The following TMEFF2 variants were observed in gnomAD, a reference collection of about 807,000 sequenced individuals.
TMEFF2 encodes tomoregulin-2.
Under a neutral mutation model 53.8 loss-of-function variants are expected in TMEFF2, and 28 were observed. That is an observed-to-expected ratio of 0.52 (90% CI 0.39 to 0.71). TMEFF2 has a LOEUF of 0.71. Ranked by LOEUF, TMEFF2 falls within the 30% of genes least tolerant of loss-of-function variation. The pLI, the probability that TMEFF2 is intolerant of heterozygous loss-of-function variation, is 0.00. For missense variants in TMEFF2, 353 were observed against 455.2 expected (o/e 0.78, Z 2.04); for synonymous variants, 162 against 166.3 (o/e 0.97, Z 0.20).
intron 4 of TMEFF2, among the ~76,000 whole-genome samples, chr2:192,162,681 A>AG (rs759350195): frequency 6.6e-6 from 1 of 152,230 alleles, no homozygotes; most frequent in Middle Eastern, 3.4e-3. Flanking sequence ...TGTGAGTCTT[A>AG]GGGGGAAAAA....
chr2:192,137,714 C>T (rs1184216804), intron 4 of TMEFF2, among the ~76,000 whole-genome samples: 1 of 151,302 alleles, frequency 6.6e-6, no homozygotes, highest in Admixed American at 6.6e-5. Context: ...CATACCTATA[C>T]ACTGAGCCTG....
chr2:192,039,304 G>C (rs1687415791), intron 5 of TMEFF2, among the ~76,000 whole-genome samples: 1 of 152,136 alleles, frequency 6.6e-6, no homozygotes, highest in Non-Finnish European at 1.5e-5. Flanking sequence ...ATTGGTAGTA[G>C]GAAGTCTTAT....
intron 4 of TMEFF2, among the ~76,000 whole-genome samples, chr2:192,090,752 T>C (rs1688772008): frequency 6.6e-6 from 1 of 152,154 alleles, no homozygotes; most frequent in Non-Finnish European, 1.5e-5. Context: ...AAAATACCTG[T>C]CTTCATGGTC....
At chr2:191,966,010 G>A (rs759216996) in intron 7 of TMEFF2, among the ~76,000 whole-genome samples, 14 of 151,646 alleles carry the variant, frequency 9.2e-5, no homozygotes, top group East Asian at 3.9e-4. Context: ...AAAAACTTGC[G>A]TAGTCTCTGT....
At chr2:192,172,067 C>T (rs1223661292) in intron 4 of TMEFF2, among the ~76,000 whole-genome samples, 2 of 151,906 alleles carry the variant, frequency 1.3e-5, no homozygotes, top group African/African-American at 2.4e-5. Context: ...GCCTGGCCCA[C>T]GGTATGCTCC....
intron 7 of TMEFF2, 104 bp downstream of exon 7, chr2:191,998,158 A>T: frequency 1.1e-6 from 1 of 874,762 alleles, no homozygotes; most frequent in Non-Finnish European, 1.8e-6. Context: ...AGCACATGTT[A>T]GAAGTCTTGC....
At chr2:192,135,532 C>T (rs886718019) in intron 4 of TMEFF2, among the ~76,000 whole-genome samples, 4 of 152,130 alleles carry the variant, frequency 2.6e-5, no homozygotes, top group African/African-American at 7.2e-5. Context: ...GTCTCCCAGT[C>T]GAGGTTCCCA....
intron 7 of TMEFF2, among the ~76,000 whole-genome samples, chr2:191,997,029 T>G (rs1240821965): frequency 6.6e-6 from 1 of 151,946 alleles, no homozygotes; most frequent in African/African-American, 2.4e-5. Context: ...ATAATGAACA[T>G]AAGAGCTGTG....
chr2:192,019,626 T>C (rs916653031), intron 5 of TMEFF2, among the ~76,000 whole-genome samples: 2 of 151,982 alleles, frequency 1.3e-5, no homozygotes, highest in African/African-American at 4.8e-5. Context: ...ATTACATTTT[T>C]AAATGTTGTC....
intron 7 of TMEFF2, among the ~76,000 whole-genome samples, chr2:191,981,273 C>A (rs1685845923): frequency 6.6e-6 from 1 of 152,150 alleles, no homozygotes; most frequent in Admixed American, 6.6e-5. Flanking sequence ...TTGTCATTCC[C>A]TGGGCATTCC....
rs112813856 is a variant in TMEFF2, at chr2:192,158,590, T to G, written c.439+21078A>C. ...CATGGTTACACTGACTACTGAAAATTAGCATTTCCCCTATGTTTTTGTCTC... is the reference window on the plus strand; with the variant it reads ...CATGGTTACACTGACTACTGAAAATGAGCATTTCCCCTATGTTTTTGTCTC... On this transcript the variant is annotated intron_variant, in intron 4 of 9. Transcript: ENST00000272771. Among the ~76,000 whole-genome samples, 305 of 152,216 alleles carry G rather than the reference T, an allele frequency of 2.0e-3. 1 individual carries two copies. Among genetic ancestry groups the G allele is most frequent in the African/African-American group, 6.8e-3 (282 of 41,552 alleles).
At chr2:191,995,215 T>C (rs1686195470) in intron 7 of TMEFF2, among the ~76,000 whole-genome samples, 1 of 151,998 alleles carries the variant, frequency 6.6e-6, no homozygotes, top group Non-Finnish European at 1.5e-5. Context: ...ACAATTAATT[T>C]ATTTTAAGAT....
chr2:192,131,983 C>G (rs1364431382), intron 4 of TMEFF2, among the ~76,000 whole-genome samples: 1 of 152,122 alleles, frequency 6.6e-6, no homozygotes, highest in Non-Finnish European at 1.5e-5. Flanking sequence ...AGTCTCTGTG[C>G]CCAGTGCAAC....
chr2:192,174,579 T>C (rs112809622), intron 4 of TMEFF2, among the ~76,000 whole-genome samples: 8 of 151,848 alleles, frequency 5.3e-5, no homozygotes, highest in African/African-American at 1.9e-4. Flanking sequence ...AAGATTTCAA[T>C]TGAAGTTCAG....
At chr2:192,133,918 C>G (rs1306244105) in intron 4 of TMEFF2, among the ~76,000 whole-genome samples, 4 of 152,182 alleles carry the variant, frequency 2.6e-5, no homozygotes, top group Admixed American at 2.0e-4. Context: ...AACCTCAATC[C>G]CTTACAAAAC....
intron 4 of TMEFF2, among the ~76,000 whole-genome samples, chr2:192,110,358 T>G (rs1198873920): frequency 1.3e-5 from 2 of 152,002 alleles, no homozygotes; most frequent in Admixed American, 1.3e-4. Context: ...GATTAGGAAG[T>G]GGAGTTAGAG....
intron 5 of TMEFF2, chr2:192,035,382 A>G (rs1687263727): frequency 6.6e-6 from 1 of 152,214 alleles, no homozygotes; most frequent in Non-Finnish European, 1.5e-5. Flanking sequence ...ATCCCATAAC[A>G]CAGTCCTATG....
chr2:192,078,578 C>A (rs541758784), intron 4 of TMEFF2, among the ~76,000 whole-genome samples: 21 of 152,290 alleles, frequency 1.4e-4, no homozygotes, highest in African/African-American at 4.8e-4. Flanking sequence ...CATCACTTAT[C>A]CTTGCTGATT....
Position 192,050,777 on chromosome 2 carries a change from A to G in TMEFF2, c.536+6902T>C, listed in dbSNP as rs190631368. ...TACATCGTGTGAAATTTAGAAAAATATAAGCTGTTTATTTTCTTGATCAAG... is the reference window on the plus strand; with the variant it reads ...TACATCGTGTGAAATTTAGAAAAATGTAAGCTGTTTATTTTCTTGATCAAG... On this transcript the variant is annotated intron_variant, in intron 5 of 9. Coordinates refer to ENST00000272771, the MANE Select transcript of TMEFF2 (RefSeq NM_016192.4). Among the ~76,000 whole-genome samples the G allele has an allele frequency of 3.3e-5, 5 of 152,370 alleles. No individual in the cohort carries two copies. In the East Asian group the frequency reaches 9.6e-4, roughly 29 times the overall value.
Sources: gnomAD v4.1 joint callset for allele counts (sites outside exome capture counted in the v4.1 genomes callset) on GRCh38, gnomAD v4.1.1 for gene constraint, MANE v1.5 for transcripts, NCBI Gene and HGNC (gene_info 2026-07-23, HGNC 2026-07-21) for gene names.